Variants in PDLIM5 observed in about 807,000 individuals in gnomAD.
PDLIM5 encodes the protein PDZ and LIM domain protein 5.
In PDLIM5, 34 loss-of-function variants were observed where a neutral mutation model predicts 64.2. The ratio of observed to expected loss-of-function variants is 0.53; its 90% CI spans 0.40 to 0.71. The LOEUF is 0.71. PDLIM5 is among the 30% of genes least tolerant of loss of function. The probability of loss-of-function intolerance (pLI) is 0.00; values close to 1 mark genes in which losing one functional copy is unlikely to be tolerated. For missense variants in PDLIM5, 683 were observed against 733.6 expected, an observed-to-expected ratio of 0.93 and a Z score of 0.80; for synonymous variants, 253 against 269.1, an observed-to-expected ratio of 0.94 and a Z score of 0.59.
intron 2 of PDLIM5, among the ~76,000 whole-genome samples, chr4:94,494,037 G>C (rs1727109360): frequency 1.3e-5 from 2 of 152,086 alleles, no homozygotes; most frequent in Non-Finnish European, 2.9e-5. Context: ...GTAGCTCACT[G>C]TAGCCTCTAC....
At chr4:94,537,838 A>G (rs1156628116) in intron 3 of PDLIM5, among the ~76,000 whole-genome samples, 1 of 152,198 alleles carries the variant, frequency 6.6e-6, no homozygotes, top group African/African-American at 2.4e-5. Flanking sequence ...TCTTAATGTA[A>G]TGATTTGTCT....
chr4:94,609,559 A>G (rs1222833055), intron 7 of PDLIM5, among the ~76,000 whole-genome samples: 2 of 152,140 alleles, frequency 1.3e-5, no homozygotes, highest in African/African-American at 4.8e-5. Flanking sequence ...TCACTGTAAC[A>G]TTGGTTTATT....
chr4:94,514,199 A>G (rs905070822), intron 2 of PDLIM5, among the ~76,000 whole-genome samples: 11 of 148,730 alleles, frequency 7.4e-5, no homozygotes, highest in Non-Finnish European at 1.3e-4. Flanking sequence ...CAGTGGCGCA[A>G]TCTGGGCTCA....
chr4:94,555,314 C>G (rs1733190197), intron 3 of PDLIM5, among the ~76,000 whole-genome samples: 4 of 152,184 alleles, frequency 2.6e-5, no homozygotes, highest in Admixed American at 1.3e-4. Flanking sequence ...TTTGGCTTCC[C>G]AAAGTGCTGG....
chr4:94,455,792 A>C (rs1353161885), intron 2 of PDLIM5: 1 of 1,517,600 alleles, frequency 6.6e-7, no homozygotes, highest in Non-Finnish European at 8.8e-7. Context: ...ATTGAATAAA[A>C]TGATTGTTTC....
chr4:94,614,686 A>C (rs1450392344), intron 7 of PDLIM5, among the ~76,000 whole-genome samples: 1 of 152,142 alleles, frequency 6.6e-6, no homozygotes, highest in Non-Finnish European at 1.5e-5. Context: ...AGTCTACTCC[A>C]AGCCCTTTGT....
rs372509415 is a variant in PDLIM5 at position 94,587,007 on chromosome 4, C to T, written c.920+563C>T. 3.1e-5 allele frequency: 49 copies of T among 1,576,070 alleles called. No homozygotes were observed. The African/African-American group carries it at 4.0e-4, about 13-fold the overall frequency. On this transcript the variant is annotated intron_variant, in intron 7 of 12. Coordinates refer to ENST00000317968, the MANE Select transcript of PDLIM5 (RefSeq NM_006457.5). Reference sequence around the variant, plus strand: ...TCCACAGGGAAAAGATACCCCTTCACGTCTTTAGTCCCAAATACACAAAAT... The same window carrying T: ...TCCACAGGGAAAAGATACCCCTTCATGTCTTTAGTCCCAAATACACAAAAT...
chr4:94,541,512 T>A (rs1731801758), intron 3 of PDLIM5, among the ~76,000 whole-genome samples: 1 of 152,180 alleles, frequency 6.6e-6, no homozygotes, highest in Non-Finnish European at 1.5e-5. Flanking sequence ...TACACTGAAG[T>A]CCTAGCCACA....
intron 8 of PDLIM5, among the ~76,000 whole-genome samples, chr4:94,624,796 G>A (rs1316054208): frequency 1.1e-4 from 16 of 152,210 alleles, no homozygotes; most frequent in Non-Finnish European, 2.9e-5. Context: ...GTGGCCCAGA[G>A]AGAAGGTTGG....
intron 3 of PDLIM5, among the ~76,000 whole-genome samples, chr4:94,543,196 C>T (rs1012703281): frequency 2.6e-5 from 4 of 152,124 alleles, no homozygotes; most frequent in Non-Finnish European, 5.9e-5. Flanking sequence ...GTTCTGGAGG[C>T]AAGTCCCAAA....
At chr4:94,473,560 C>T (rs903984304) in intron 2 of PDLIM5, among the ~76,000 whole-genome samples, 1 of 152,078 alleles carries the variant, frequency 6.6e-6, no homozygotes, top group African/African-American at 2.4e-5. Context: ...GCGCCTGGCC[C>T]AGATGATTTT....
intron 7 of PDLIM5, among the ~76,000 whole-genome samples, chr4:94,597,037 A>G (rs979624635): frequency 6.6e-6 from 1 of 152,162 alleles, no homozygotes; most frequent in Non-Finnish European, 1.5e-5. Context: ...ATATCTTTGA[A>G]CAGAAGAATG....
chr4:94,476,947 C>T (rs1725376335), intron 2 of PDLIM5, among the ~76,000 whole-genome samples: 1 of 152,184 alleles, frequency 6.6e-6, no homozygotes, highest in Admixed American at 6.5e-5. Context: ...GGAACATTAT[C>T]TGGCAGACTG....
chr4:94,586,975 T>C, intron 7 of PDLIM5: 1 of 1,507,796 alleles, frequency 6.6e-7, no homozygotes, highest in Non-Finnish European at 9.0e-7. Context: ...TTTTTTTTTT[T>C]TGTATTTCCA....
intron 7 of PDLIM5, among the ~76,000 whole-genome samples, chr4:94,594,368 G>C (rs1736901547): frequency 6.6e-6 from 1 of 152,044 alleles, no homozygotes; most frequent in Non-Finnish European, 1.5e-5. Flanking sequence ...ATAGGTATAT[G>C]AGATGCTTAG....
At chr4:94,452,665 C>A (rs1722961198) in intron 1 of PDLIM5, among the ~76,000 whole-genome samples, 1 of 152,120 alleles carries the variant, frequency 6.6e-6, no homozygotes, top group Admixed American at 6.5e-5. Context: ...GTGCGTTTTA[C>A]AATAAGTGGA....
In PDLIM5 at chr4:94,572,329, G is replaced by A. The variant is rs1292465457; in HGVS notation, c.249-1022G>A. ...TAAGTAAATAGGCTTTAAAACATTA[G>A]AGGCTTTCCCAGTCATTTAGTTCCT... On this transcript the variant is annotated intron_variant, in intron 3 of 12. Transcript: ENST00000317968. 2.6e-5 allele frequency among the ~76,000 whole-genome samples: 4 copies of A among 152,184 alleles called. 1 individual carries two copies. In the East Asian group the frequency reaches 7.7e-4, roughly 29 times the overall value.
At chr4:94,552,819 T>C (rs946121333) in intron 3 of PDLIM5, among the ~76,000 whole-genome samples, 1 of 152,084 alleles carries the variant, frequency 6.6e-6, no homozygotes, top group African/African-American at 2.4e-5. Flanking sequence ...TTTTATATGG[T>C]GGTAGCAGAA....
intron 11 of PDLIM5, among the ~76,000 whole-genome samples, chr4:94,659,488 G>A (rs372150549): frequency 8.6e-6 from 1 of 116,000 alleles, no homozygotes; most frequent in African/African-American, 3.5e-5. Context: ...TAGTATATAT[G>A]TGTGTATGTG....
Sources: allele counts gnomAD v4.1 joint callset (sites outside exome capture counted in the v4.1 genomes callset), GRCh38; gene constraint gnomAD v4.1.1; transcripts MANE v1.5; gene names NCBI Gene and HGNC (gene_info 2026-07-23, HGNC 2026-07-21).